Variants in GRIA1 observed in about 807,000 individuals in gnomAD.
The protein encoded by GRIA1 is glutamate receptor 1.
GRIA1 carries 31 observed loss-of-function variants against 99.2 expected under a neutral mutation model. That is an observed-to-expected ratio of 0.31 (90% confidence interval 0.23 to 0.42). GRIA1 has a LOEUF of 0.42. Among genes scored for constraint, GRIA1 ranks in the 10% least tolerant of loss-of-function variants. The pLI is 1.00. For synonymous variants in GRIA1, 438 were observed against 432.4 expected, an observed-to-expected ratio of 1.01 and a Z score of -0.16; for missense variants, 782 against 1,157.5, an observed-to-expected ratio of 0.68 and a Z score of 4.71.
At chr5:153,521,103 G>A (rs181549175) in intron 2 of GRIA1, among the ~76,000 whole-genome samples, 6 of 152,304 alleles carry the variant, frequency 3.9e-5, no homozygotes, top group South Asian at 2.1e-4. Context: ...TGAAATGAGC[G>A]GAATCAAAAG....
chr5:153,658,889 A>G (rs1755148713), intron 5 of GRIA1, among the ~76,000 whole-genome samples: 2 of 152,170 alleles, frequency 1.3e-5, no homozygotes, highest in Admixed American at 1.3e-4. Context: ...TCAAATAGCC[A>G]CCTTTGAAGG....
chr5:153,724,302 C>T (rs947894838), intron 11 of GRIA1, among the ~76,000 whole-genome samples: 1 of 145,316 alleles, frequency 6.9e-6, no homozygotes, highest in African/African-American at 2.6e-5. Flanking sequence ...GGGAAAAAAA[C>T]AGAGCAGAAA....
intron 2 of GRIA1, among the ~76,000 whole-genome samples, chr5:153,510,477 G>A (rs368623368): frequency 7.2e-5 from 11 of 152,268 alleles, no homozygotes; most frequent in African/African-American, 1.4e-4. Context: ...GATTGTCTGC[G>A]ATTGCAGATG....
chr5:153,696,471 G>A lies in GRIA1; in HGVS notation c.1135-1573G>A, dbSNP rs138347689. Among the ~76,000 whole-genome samples the A allele has an allele frequency of 3.0e-3, 456 of 152,296 alleles. 4 individuals are homozygous for A. The highest frequency in any genetic ancestry group is 0.01 in the African/African-American group (426 of 41,566). On this transcript the variant is annotated intron_variant, in intron 8 of 15. Transcript: ENST00000285900. Reference sequence around the variant, plus strand: ...TCGGGCAAGTTAACACACTCCCACAGGCCAGACGAAATGGCATGAAAACTG... The same window carrying A: ...TCGGGCAAGTTAACACACTCCCACAAGCCAGACGAAATGGCATGAAAACTG...
chr5:153,532,770 T>C (rs572577126), intron 2 of GRIA1, among the ~76,000 whole-genome samples: 1 of 152,088 alleles, frequency 6.6e-6, no homozygotes, highest in Non-Finnish European at 1.5e-5. Context: ...GGCTGTAGAG[T>C]CAATACCTGC....
At chr5:153,741,907 C>T (rs1318782088) in intron 11 of GRIA1, among the ~76,000 whole-genome samples, 1 of 145,788 alleles carries the variant, frequency 6.9e-6, no homozygotes, top group Non-Finnish European at 1.5e-5. Flanking sequence ...GTTAAGCATT[C>T]TTAACGTATA....
chr5:153,605,729 A>G (rs1156839192), intron 2 of GRIA1, among the ~76,000 whole-genome samples: 1 of 152,080 alleles, frequency 6.6e-6, no homozygotes. Context: ...ATTTCTCTTG[A>G]TTATTTGTGA....
intron 2 of GRIA1, among the ~76,000 whole-genome samples, chr5:153,543,393 C>T (rs948700571): frequency 1.3e-5 from 2 of 152,172 alleles, no homozygotes; most frequent in Non-Finnish European, 2.9e-5. Context: ...CTAATTTCAT[C>T]CTTTTGACTT....
At chr5:153,524,195 G>T (rs1056832349) in intron 2 of GRIA1, among the ~76,000 whole-genome samples, 1 of 152,080 alleles carries the variant, frequency 6.6e-6, no homozygotes, top group Admixed American at 6.5e-5. Flanking sequence ...GGCGTGGTGG[G>T]GCTCACCTGT....
intron 5 of GRIA1, among the ~76,000 whole-genome samples, chr5:153,668,926 A>G (rs933777795): frequency 1.3e-5 from 2 of 152,236 alleles, no homozygotes; most frequent in African/African-American, 4.8e-5. Flanking sequence ...ACCATCCTAA[A>G]GCTAAAGTCA....
At chr5:153,741,903 C>T (rs1460178602) in intron 11 of GRIA1, among the ~76,000 whole-genome samples, 1 of 144,302 alleles carries the variant, frequency 6.9e-6, no homozygotes, top group Non-Finnish European at 1.5e-5. Flanking sequence ...TCATGTTAAG[C>T]ATTCTTAACG....
chr5:153,553,072 GC>G (rs1180492376), intron 2 of GRIA1, among the ~76,000 whole-genome samples: 2 of 152,140 alleles, frequency 1.3e-5, no homozygotes, highest in East Asian at 1.9e-4. Context: ...GCCAGAGTTT[GC>G]TTTTAAAAGC....
chr5:153,567,655 A>G (rs1190186957), intron 2 of GRIA1, among the ~76,000 whole-genome samples: 1 of 152,228 alleles, frequency 6.6e-6, no homozygotes, highest in African/African-American at 2.4e-5. Context: ...TTAATAGTTG[A>G]GAAAGGCATC....
rs1419722569 is a variant in GRIA1, at chr5:153,764,489, A to G, written c.1879A>G (p.Ile627Val). The G allele has an allele frequency of 6.2e-7, 1 of 1,613,952 alleles. No homozygotes were observed. The highest frequency in any genetic ancestry group is 2.2e-5 in the East Asian group (1 of 44,854). The change falls in exon 12 of 16, where the codon ATC becomes GTC. Residue 627 changes from isoleucine (I) to valine (V), a missense_variant. By Grantham distance (29) the Ile-to-Val change is conservative. Transcript: ENST00000285900. ...CTGGTGGTTCTTCACCTTAATCATC[A>G]TCTCCTCATATACAGCCAATCTGGC... ...GVWWFFTLII[I>V]SSYTANLAAF...
chr5:153,664,774 C>T (rs1002110249), intron 5 of GRIA1, among the ~76,000 whole-genome samples: 1 of 152,134 alleles, frequency 6.6e-6, no homozygotes, highest in Non-Finnish European at 1.5e-5. Flanking sequence ...TATTTCTTAC[C>T]TGGTTCCCAG....
rs545620674 is a variant in GRIA1 at position 153,655,734 on chromosome 5, C to T, written c.646-85C>T. ...TAGGGTAGGGCACATTGTAAGCACTCGATATCAGCTGCCGTTATTACTGTT... is the reference window on the plus strand; with the variant it reads ...TAGGGTAGGGCACATTGTAAGCACTTGATATCAGCTGCCGTTATTACTGTT... On this transcript the variant is annotated intron_variant, in intron 4 of 15. Coordinates refer to ENST00000285900, the MANE Select transcript of GRIA1 (RefSeq NM_000827.4). 200 of 1,133,170 alleles carry T rather than the reference C, an allele frequency of 1.8e-4. No homozygotes were observed. The African/African-American group carries it at 2.2e-3, about 12-fold the overall frequency. The allele number at this position is 1,133,170 out of a possible 1,614,324, so 70.2% of individuals were successfully genotyped here. A position where few individuals can be genotyped will look rare whatever the true frequency, so the allele number is the denominator to read the frequency against.
At chr5:153,558,098 G>T (rs1473930291) in intron 2 of GRIA1, 2 of 152,080 alleles carry the variant, frequency 1.3e-5, no homozygotes, top group Non-Finnish European at 2.9e-5. Context: ...AAACACATTA[G>T]TAATGCATTG....
chr5:153,722,164 A>G (rs1050421472), intron 11 of GRIA1, among the ~76,000 whole-genome samples: 3 of 152,106 alleles, frequency 2.0e-5, no homozygotes, highest in Non-Finnish European at 4.4e-5. Flanking sequence ...CTGTTAGGTC[A>G]TCTGTTCTTT....
chr5:153,748,888 T>C (rs1041028291), intron 11 of GRIA1, among the ~76,000 whole-genome samples: 3 of 152,128 alleles, frequency 2.0e-5, no homozygotes, highest in Non-Finnish European at 4.4e-5. Context: ...AAGTAGGCAG[T>C]TAAATATATA....
Sources: gnomAD v4.1 joint callset for allele counts (sites outside exome capture counted in the v4.1 genomes callset) on GRCh38, gnomAD v4.1.1 for gene constraint, MANE v1.5 for transcripts, NCBI Gene and HGNC (gene_info 2026-07-23, HGNC 2026-07-21) for gene names.